The following RP1 variants were observed in gnomAD, a reference collection of about 807,000 sequenced individuals.
RP1 encodes oxygen-regulated protein 1.
RP1 carries 16 observed loss-of-function variants against 14.8 expected under a neutral mutation model. That is an observed-to-expected ratio of 1.08 (90% confidence interval 0.73 to 1.65). The LOEUF is 1.65. RP1 is among the 40% of genes most tolerant of loss of function. The probability of loss-of-function intolerance (pLI) is 0.00; values close to 1 mark genes in which losing one functional copy is unlikely to be tolerated. For missense variants in RP1, 2,631 were observed against 2,535.0 expected, an observed-to-expected ratio of 1.04 and a Z score of -0.81; for synonymous variants, 876 against 883.6, an observed-to-expected ratio of 0.99 and a Z score of 0.15.
At chr8:54,586,937 G>A (rs528828209) in intron 1 of RP1, among the ~76,000 whole-genome samples, 22 of 152,304 alleles carry the variant, frequency 1.4e-4, no homozygotes, top group East Asian at 5.8e-4. Flanking sequence ...GACCGCTTGC[G>A]CTTCCTGGGT....
Position 54,628,486 on chromosome 8 carries a change from C to T in RP1, c.4604C>T (p.Pro1535Leu). ...ATAATCAGTAAGAGGCTGGCAACACCACCATCTTTAGATTTTTGCTATGAT... is the reference window on the plus strand; with the variant it reads ...ATAATCAGTAAGAGGCTGGCAACACTACCATCTTTAGATTTTTGCTATGAT... The part of the protein sequence containing the change: ...YEIISKRLAT[P>L]PSLDFCYDSK... Residue 1535 changes from proline to leucine, a missense_variant, in exon 4 of 4, where the codon CCA (proline) becomes CTA (leucine). By Grantham distance (98) the Pro-to-Leu change is moderately conservative (BLOSUM62 -3). Coordinates refer to ENST00000220676, the MANE Select transcript of RP1 (RefSeq NM_006269.2). 6.2e-7 allele frequency: 1 copy of T among 1,613,548 alleles called. No homozygotes were observed. The highest frequency in any genetic ancestry group is 8.5e-7 in the Non-Finnish European group (1 of 1,179,854).
downstream of RP1, chr8:54,769,996 A>C: frequency 2.0e-6 from 1 of 499,068 alleles, no homozygotes; most frequent in East Asian, 3.2e-5. Context: ...GTGTGCCCTA[A>C]TTGAAGTTAA....
intron 1 of RP1, among the ~76,000 whole-genome samples, chr8:54,592,059 G>A (rs997533713): frequency 3.3e-5 from 5 of 152,186 alleles, no homozygotes; most frequent in African/African-American, 9.7e-5. Flanking sequence ...AAAGGGATGT[G>A]GATATGGGGA....
chr8:54,614,045 C>T (rs1805656533), upstream of RP1, among the ~76,000 whole-genome samples: 1 of 152,200 alleles, frequency 6.6e-6, no homozygotes, highest in Admixed American at 6.5e-5. Flanking sequence ...AATGTATATT[C>T]TCTTACTTAA....
At chr8:54,728,118 T>C (rs760047240) in intron 17 of RP1, among the ~76,000 whole-genome samples, 13 of 152,084 alleles carry the variant, frequency 8.5e-5, no homozygotes, top group Non-Finnish European at 1.9e-4. Context: ...ATGGTTAAAT[T>C]TTGCCTTCTC....
At chr8:54,777,349 C>T (rs1266688448) in intron 23 of RP1, among the ~76,000 whole-genome samples, 3 of 152,108 alleles carry the variant, frequency 2.0e-5, no homozygotes, top group Admixed American at 1.3e-4. Flanking sequence ...ATACAATAAT[C>T]GGTGGTAAAT....
intron 6 of RP1, among the ~76,000 whole-genome samples, chr8:54,661,762 A>C (rs1205140626): frequency 4.6e-5 from 7 of 152,130 alleles, no homozygotes; most frequent in African/African-American, 1.7e-4. Context: ...TTTTATTATT[A>C]TCCTACAGGT....
At chr8:54,649,970 T>G (rs1046830628) in intron 4 of RP1, among the ~76,000 whole-genome samples, 4 of 152,212 alleles carry the variant, frequency 2.6e-5, no homozygotes, top group Non-Finnish European at 4.4e-5. Context: ...GTGTTTATAG[T>G]CACTAAAAGG....
At chr8:54,634,156 G>A (rs781746329), downstream of RP1, among the ~76,000 whole-genome samples, 10 of 152,060 alleles carry the variant, frequency 6.6e-5, no homozygotes, top group African/African-American at 2.2e-4. Flanking sequence ...ACTATTCTAC[G>A]CTCTTGTCCA....
At chr8:54,773,389 C>A (rs1054946215), downstream of RP1, among the ~76,000 whole-genome samples, 3 of 152,064 alleles carry the variant, frequency 2.0e-5, no homozygotes, top group African/African-American at 4.8e-5. Flanking sequence ...GTAATCCCAG[C>A]ACTTTGGGAG....
chr8:54,727,852 G>A (rs139059670), intron 17 of RP1, among the ~76,000 whole-genome samples: 14 of 151,668 alleles, frequency 9.2e-5, no homozygotes, highest in African/African-American at 3.1e-4. Context: ...AATATCCAGA[G>A]CATACGAGAC....
At chr8:54,856,964 C>A in intron 26 of RP1, 1 of 455,676 alleles carries the variant, frequency 2.2e-6, no homozygotes, top group Non-Finnish European at 3.5e-6. Context: ...AATAGTAATA[C>A]TATTTTTTTT....
chr8:54,610,335 T>C (rs1023894207), intron 1 of RP1, among the ~76,000 whole-genome samples: 1 of 152,222 alleles, frequency 6.6e-6, no homozygotes, highest in Middle Eastern at 3.2e-3. Flanking sequence ...CTGTGGCTGC[T>C]ATCTTTGCAG....
chr8:54,772,319 A>G (rs1308687787), downstream of RP1, among the ~76,000 whole-genome samples: 4 of 152,036 alleles, frequency 2.6e-5, no homozygotes, highest in Non-Finnish European at 4.4e-5. Context: ...CAGCCACATA[A>G]TAAACCCCCT....
At chr8:54,726,508 G>A (rs1320860572) in intron 17 of RP1, 1 of 1,507,764 alleles carries the variant, frequency 6.6e-7, no homozygotes, top group East Asian at 2.5e-5. Flanking sequence ...CATACTTTTG[G>A]TTTGTTTGCT....
intron 9 of RP1, chr8:54,678,626 C>A: frequency 1.9e-6 from 2 of 1,035,256 alleles, no homozygotes; most frequent in South Asian, 1.6e-5. Flanking sequence ...TTTAGTTGTT[C>A]CTAGTCACTG....
At chr8:54,747,654 A>G (rs574446990) in intron 19 of RP1, among the ~76,000 whole-genome samples, 3 of 152,358 alleles carry the variant, frequency 2.0e-5, no homozygotes, top group Admixed American at 2.0e-4. Context: ...TAATCCCAGC[A>G]CTTTGGGAGC....
chr8:54,856,776 A>G (rs923820128), intron 26 of RP1, among the ~76,000 whole-genome samples: 1 of 152,196 alleles, frequency 6.6e-6, no homozygotes, highest in Non-Finnish European at 1.5e-5. Context: ...TTTAAAATAA[A>G]TCTCCTAATT....
intron 3 of RP1, among the ~76,000 whole-genome samples, chr8:54,647,115 A>T (rs945232139): frequency 3.3e-5 from 5 of 152,096 alleles, no homozygotes; most frequent in African/African-American, 1.2e-4. Context: ...TTTTAAGTAG[A>T]TTTTTTACAA....
Sources: allele counts gnomAD v4.1 joint callset (sites outside exome capture counted in the v4.1 genomes callset), GRCh38; gene constraint gnomAD v4.1.1; transcripts MANE v1.5; gene names NCBI Gene and HGNC (gene_info 2026-07-23, HGNC 2026-07-21).